SCAPER: variants seen among roughly 807,000 people sequenced by gnomAD.
SCAPER encodes the protein S-phase cyclin A associated protein in the ER.
SCAPER carries 98 observed loss-of-function variants against 182.2 expected under a neutral mutation model. The ratio of observed to expected loss-of-function variants is 0.54; its 90% CI spans 0.46 to 0.64. The LOEUF is 0.64. Among genes scored for constraint, SCAPER ranks in the 30% least tolerant of loss-of-function variants. The pLI, the probability that SCAPER is intolerant of heterozygous loss-of-function variation, is 0.00. For synonymous variants in SCAPER, 605 were observed against 564.6 expected, an observed-to-expected ratio of 1.07 and a Z score of -1.01; for missense variants, 1,432 against 1,690.0, an observed-to-expected ratio of 0.85 and a Z score of 2.68.
chr15:76,477,253 A>G (rs1596881622), intron 24 of SCAPER, among the ~76,000 whole-genome samples: 1 of 152,220 alleles, frequency 6.6e-6, no homozygotes, highest in Non-Finnish European at 1.5e-5. Context: ...CTTCAGAGTG[A>G]AAGTCTAGTG....
chr15:76,873,617 A>G (rs1568383225), intron 2 of SCAPER, among the ~76,000 whole-genome samples: 1 of 152,104 alleles, frequency 6.6e-6, no homozygotes, highest in Non-Finnish European at 1.5e-5. Context: ...AACACAACAC[A>G]CTCTTTTAGA....
In SCAPER at chr15:76,660,776, A is replaced by G. The variant is rs146313891; in HGVS notation, c.2645+4877T>C. Among the ~76,000 whole-genome samples, 534 of 152,218 alleles carry G rather than the reference A, an allele frequency of 3.5e-3. 3 individuals are homozygous for G. Among genetic ancestry groups the G allele is most frequent in the Non-Finnish European group, 5.8e-3 (396 of 67,982 alleles). On this transcript the variant is annotated intron_variant, in intron 21 of 31. Transcript: ENST00000563290. ...CAGTATACAAATTGGAAAGTAAGAA[A>G]CAAAACTTTTCACTCCCAGATACCA...
intron 21 of SCAPER, among the ~76,000 whole-genome samples, chr15:76,649,311 T>C (rs1597918062): frequency 6.6e-6 from 1 of 152,082 alleles, no homozygotes; most frequent in Non-Finnish European, 1.5e-5. Context: ...ATGCCTGTAG[T>C]ACCAGCCACT....
chr15:76,667,459 A>G (rs775161738), intron 20 of SCAPER, among the ~76,000 whole-genome samples: 1 of 151,994 alleles, frequency 6.6e-6, no homozygotes, highest in Admixed American at 6.6e-5. Context: ...ACTCATACAT[A>G]GAAAATTCTC....
chr15:76,652,371 C>CACACACATATAT (rs764864981), intron 21 of SCAPER, among the ~76,000 whole-genome samples: 5 of 8,056 alleles, frequency 6.2e-4, no homozygotes, highest in African/African-American at 1.0e-3. Flanking sequence ...CACACACACA[C>CACACACATATAT]ATATATATAT....
At chr15:76,850,503 C>T (rs533753169) in intron 4 of SCAPER, among the ~76,000 whole-genome samples, 1 of 152,300 alleles carries the variant, frequency 6.6e-6, no homozygotes, top group South Asian at 2.1e-4. Context: ...CAGAGTGTCA[C>T]ATGTCTTAAA....
intron 17 of SCAPER, among the ~76,000 whole-genome samples, chr15:76,724,769 A>G (rs2060483046): frequency 6.6e-6 from 1 of 152,042 alleles, no homozygotes. Flanking sequence ...CATGGTTTTC[A>G]GCTCTATCAG....
chr15:76,857,777 G>T, intron 4 of SCAPER, 32 bp downstream of exon 4: 1 of 1,317,710 alleles, frequency 7.6e-7, no homozygotes, highest in Non-Finnish European at 1.0e-6. Flanking sequence ...GAAATTAAAA[G>T]TAAATAAGTA....
At chr15:76,456,385 T>A (rs1001912640) in intron 25 of SCAPER, among the ~76,000 whole-genome samples, 2 of 152,244 alleles carry the variant, frequency 1.3e-5, no homozygotes, top group African/African-American at 4.8e-5. Context: ...CAAAATATTT[T>A]CTCATTTCTT....
intron 21 of SCAPER, among the ~76,000 whole-genome samples, chr15:76,626,414 C>T (rs1159514785): frequency 1.3e-5 from 2 of 152,130 alleles, no homozygotes; most frequent in African/African-American, 4.8e-5. Context: ...GACATAACAG[C>T]ATAAAAAGAT....
intron 23 of SCAPER, among the ~76,000 whole-genome samples, chr15:76,556,140 C>T (rs1200731824): frequency 1.3e-5 from 2 of 152,106 alleles, no homozygotes; most frequent in Non-Finnish European, 2.9e-5. Flanking sequence ...CATATAATCA[C>T]AAGGAAATGA....
At chr15:76,520,548 G>A (rs1216497167) in intron 23 of SCAPER, among the ~76,000 whole-genome samples, 1 of 151,990 alleles carries the variant, frequency 6.6e-6, no homozygotes, top group African/African-American at 2.4e-5. Context: ...TGTTTCCCAT[G>A]TGCTTGGTCC....
At chr15:76,564,665 A>AT (rs903550852) in intron 23 of SCAPER, among the ~76,000 whole-genome samples, 17 of 152,004 alleles carry the variant, frequency 1.1e-4, no homozygotes, top group South Asian at 2.1e-4. Context: ...AAAAAGAAAA[A>AT]TTTTTTTTAA....
At chr15:76,889,516 G>A (rs1001870549) in intron 1 of SCAPER, among the ~76,000 whole-genome samples, 3 of 152,170 alleles carry the variant, frequency 2.0e-5, no homozygotes, top group Non-Finnish European at 2.9e-5. Flanking sequence ...AGCAGGGGTC[G>A]CAATTCTAAT....
intron 23 of SCAPER, among the ~76,000 whole-genome samples, chr15:76,515,230 T>A (rs1334236066): frequency 6.6e-6 from 1 of 152,174 alleles, no homozygotes; most frequent in Non-Finnish European, 1.5e-5. Context: ...GGGAGCTGAA[T>A]TGTGCCATTT....
At chr15:76,879,013 A>G (rs1015829929) in intron 2 of SCAPER, among the ~76,000 whole-genome samples, 4 of 152,202 alleles carry the variant, frequency 2.6e-5, no homozygotes, top group Admixed American at 6.5e-5. Context: ...CCTCCCATAC[A>G]CTACCGACAG....
intron 22 of SCAPER, among the ~76,000 whole-genome samples, chr15:76,590,184 G>A (rs2048999482): frequency 6.6e-6 from 1 of 152,164 alleles, no homozygotes; most frequent in Admixed American, 6.6e-5. Context: ...AGTGGGAACT[G>A]CAATTTAGTC....
intron 23 of SCAPER, among the ~76,000 whole-genome samples, chr15:76,571,540 C>T (rs904075724): frequency 2.0e-5 from 3 of 152,032 alleles, no homozygotes; most frequent in Non-Finnish European, 2.9e-5. Context: ...AAGTTTAACC[C>T]GTTAGGTCTA....
intron 23 of SCAPER, among the ~76,000 whole-genome samples, chr15:76,518,410 G>A (rs1181751661): frequency 6.6e-6 from 1 of 152,140 alleles, no homozygotes; most frequent in East Asian, 1.9e-4. Flanking sequence ...AGCAGCTGGG[G>A]TAAAAGTCTT....
Sources: gnomAD v4.1 joint callset for allele counts (sites outside exome capture counted in the v4.1 genomes callset) on GRCh38, gnomAD v4.1.1 for gene constraint, MANE v1.5 for transcripts, NCBI Gene and HGNC (gene_info 2026-07-23, HGNC 2026-07-21) for gene names.